The following DYNC2H1 variants were observed in gnomAD, a reference collection of about 807,000 sequenced individuals.
DYNC2H1 encodes dynein cytoplasmic 2 heavy chain 1, also known as cytoplasmic dynein 2 heavy chain 1.
Under a neutral mutation model 570.0 loss-of-function variants are expected in DYNC2H1, and 410 were observed. The observed-to-expected ratio is 0.72, with a 90% CI of 0.66 to 0.78. The LOEUF (loss-of-function observed/expected upper bound fraction) is 0.78. DYNC2H1 is among the 30% of genes least tolerant of loss of function. DYNC2H1 has a pLI of 0.00. For synonymous variants in DYNC2H1, 1,688 were observed against 1,677.6 expected (o/e 1.01, Z -0.15); for missense variants, 4,865 against 5,046.4 (o/e 0.96, Z 1.09).
intron 87 of DYNC2H1, among the ~76,000 whole-genome samples, chr11:103,467,573 T>A (rs1412217758): frequency 6.6e-6 from 1 of 152,130 alleles, no homozygotes. Context: ...AGTCTCACTC[T>A]GTCGCCCAGG....
chr11:103,220,969 A>G (rs1863563238), intron 57 of DYNC2H1, among the ~76,000 whole-genome samples, 186 bp downstream of exon 57: 1 of 152,114 alleles, frequency 6.6e-6, no homozygotes, highest in African/African-American at 2.4e-5. Context: ...TCCTTTCTGT[A>G]TAAGTGATTG....
chr11:103,111,982 A>T (rs984992326), intron 1 of DYNC2H1, among the ~76,000 whole-genome samples: 4 of 152,238 alleles, frequency 2.6e-5, no homozygotes, highest in African/African-American at 9.6e-5. Flanking sequence ...AGATATATGT[A>T]ACATAATTTT....
chr11:103,424,242 A>G (rs1943588872), intron 84 of DYNC2H1, among the ~76,000 whole-genome samples: 1 of 137,560 alleles, frequency 7.3e-6, no homozygotes, highest in Non-Finnish European at 1.5e-5. Flanking sequence ...CTTTGATGGT[A>G]TATTAATTAT....
At chr11:103,310,673 C>CAT (rs1867538231) in intron 78 of DYNC2H1, among the ~76,000 whole-genome samples, 1 of 39,124 alleles carries the variant, frequency 2.6e-5, no homozygotes, top group African/African-American at 7.9e-5. Context: ...AGTGTATTTT[C>CAT]TTTTTTTTTT....
intron 84 of DYNC2H1, among the ~76,000 whole-genome samples, chr11:103,411,887 A>ATATT (rs1219459212): frequency 6.6e-6 from 1 of 152,104 alleles, no homozygotes; most frequent in Non-Finnish European, 1.5e-5. Context: ...TATTTTTGAA[A>ATATT]TATTTGTATT....
At position 103,187,559 on chromosome 11, in the gene DYNC2H1, C is replaced by A; in HGVS notation, c.7113C>A (p.Thr2371=). 6.2e-7 allele frequency: 1 copy of A among 1,613,064 alleles called. No homozygotes were observed. ...INLPKLDKWG[T]STLVAFLQQV... is the part of the protein sequence containing the mutation. ...TACCTAAACTTGATAAATGGGGGAC[C>A]AGTACTTTGGTAGCATTCCTACAAC... Residue 2371 remains threonine (T), a synonymous_variant, in exon 43 of 89, where the codon ACC becomes ACA. Coordinates refer to ENST00000375735, the MANE Select transcript of DYNC2H1 (RefSeq NM_001377.3).
Position 103,204,772 on chromosome 11 carries a change from G to A in DYNC2H1, c.8312-50G>A. 6.8e-7 allele frequency: 1 copy of A among 1,480,762 alleles called. No individual in the cohort carries two copies. Among genetic ancestry groups the A allele is most frequent in the Non-Finnish European group, 9.1e-7 (1 of 1,094,986 alleles). The allele number at this position is 1,480,762 out of a possible 1,614,324, so 91.7% of individuals were successfully genotyped here. Reference sequence around the variant, plus strand: ...AGAAAATTTTGATCTCTTTAACCCAGACCACGTATAGATTGCCTGATTGTA... The same window carrying A: ...AGAAAATTTTGATCTCTTTAACCCAAACCACGTATAGATTGCCTGATTGTA... On this transcript the variant is annotated intron_variant, in intron 51 of 88. Coordinates refer to ENST00000375735, the MANE Select transcript of DYNC2H1 (RefSeq NM_001377.3). This position sits in a 1 kb window ranked among gnomAD's most constrained non-coding sequence, Gnocchi z 4.1.
chr11:103,415,639 G>C (rs9736508), intron 84 of DYNC2H1, among the ~76,000 whole-genome samples: 5,990 of 152,206 alleles, frequency 0.039, 301 homozygotes, highest in African/African-American at 0.11. Flanking sequence ...TCATTAAAAA[G>C]TCAGGAAACA....
chr11:103,131,205 T>A (rs1387543282), intron 13 of DYNC2H1, among the ~76,000 whole-genome samples: 1 of 152,198 alleles, frequency 6.6e-6, no homozygotes, highest in Non-Finnish European at 1.5e-5. Context: ...CAGATGGTGT[T>A]ATAATTTTTC....
rs186029840 is a variant in DYNC2H1, at chr11:103,362,042, G to A, written c.12156+3683G>A. Among the ~76,000 whole-genome samples, 583 of 150,896 alleles carry A rather than the reference G, an allele frequency of 3.9e-3. 5 individuals are homozygous for A. The highest frequency in any genetic ancestry group is 0.014 in the African/African-American group (559 of 40,282). ...TAGGAGATGAGGAGCTGGAGTCAAT[G>A]TATCTAGACAATTCTTTTTTAAAAT... is the stretch of plus-strand genomic sequence containing the variant. On this transcript the variant is annotated intron_variant, in intron 83 of 88. Coordinates refer to ENST00000375735, the MANE Select transcript of DYNC2H1 (RefSeq NM_001377.3).
In DYNC2H1 at chr11:103,176,241, A is replaced by G. The variant is rs753911293; in HGVS notation, c.5681A>G (p.Glu1894Gly). ...AAATGAAACTTTTTTCTAGCTAATGAAAGTCATATTGTGGTACAAGCACTG... is the reference window on the plus strand; with the variant it reads ...AAATGAAACTTTTTTCTAGCTAATGGAAGTCATATTGTGGTACAAGCACTG... ...NKSGTTQNANESHIVVQALRL... is the reference protein window; with the variant it reads ...NKSGTTQNANGSHIVVQALRL... Residue 1894 changes from glutamate (E) to glycine (G), a missense_variant, in exon 37 of 89, where the codon GAA becomes GGA. Physicochemically the swap from Glu to Gly is moderately conservative, Grantham distance 98 (BLOSUM62 -2). Coordinates refer to ENST00000375735, the MANE Select transcript of DYNC2H1 (RefSeq NM_001377.3). 8 of 1,478,422 alleles carry G rather than the reference A, an allele frequency of 5.4e-6. No homozygotes were observed. The Admixed American group carries it at 1.8e-4, about 32-fold the overall frequency. 91.6% of individuals were successfully genotyped at this position (1,478,422 alleles called of 1,614,324 possible). A position where few individuals can be genotyped will look rare whatever the true frequency, so the allele number is the denominator to read the frequency against.
rs1939004890 is a variant in DYNC2H1 at position 103,334,434 on chromosome 11, C to T, written c.12039+10444C>T. ...ATTGTAAATTGGATAAATCAGTTTGCAAATTATAAATATCAAATGTAAAAT... is the reference window on the plus strand; with the variant it reads ...ATTGTAAATTGGATAAATCAGTTTGTAAATTATAAATATCAAATGTAAAAT... On this transcript the variant is annotated intron_variant, in intron 82 of 88. Coordinates refer to ENST00000375735, the MANE Select transcript of DYNC2H1 (RefSeq NM_001377.3). This position sits in a 1 kb window ranked among gnomAD's most constrained non-coding sequence, Gnocchi z 4.3. 6.6e-6 allele frequency among the ~76,000 whole-genome samples: 1 copy of T among 151,940 alleles called. No individual in the cohort carries two copies. The highest frequency in any genetic ancestry group is 1.9e-4 in the East Asian group (1 of 5,178).
In DYNC2H1 at chr11:103,256,088, T is replaced by C; in HGVS notation, c.10327-18T>C. 6.3e-7 allele frequency: 1 copy of C among 1,577,040 alleles called. No homozygotes were observed. The highest frequency in any genetic ancestry group is 8.6e-7 in the Non-Finnish European group (1 of 1,158,916). On this transcript the variant is annotated intron_variant, in intron 67 of 88. Coordinates refer to ENST00000375735, the MANE Select transcript of DYNC2H1 (RefSeq NM_001377.3). This position sits in a 1 kb window ranked among gnomAD's most constrained non-coding sequence, Gnocchi z 4.0. The stretch of plus-strand genomic sequence containing the variant: ...TTTATATGTATAATAATATTCATAT[T>C]GTTAACTTTCCCTACAGACACTTGC...
intron 83 of DYNC2H1, among the ~76,000 whole-genome samples, chr11:103,378,412 T>A (rs1470839475): frequency 6.6e-6 from 1 of 152,200 alleles, no homozygotes; most frequent in African/African-American, 2.4e-5. Context: ...ACCATTTTTT[T>A]AAAGAGAAAT....
Position 103,163,615 on chromosome 11 carries a change from G to A in DYNC2H1, c.4611+468G>A, listed in dbSNP as rs999609387. Among the ~76,000 whole-genome samples the A allele has an allele frequency of 7.9e-5, 12 of 152,120 alleles. No homozygotes were observed. The highest frequency in any genetic ancestry group is 2.9e-4 in the African/African-American group (12 of 41,418). ...ATTACAGAGATGGCTGCAGCTCAGG[G>A]TTAATAGGAGTTCATCCCTGAACAC... On this transcript the variant is annotated intron_variant, in intron 30 of 88. Coordinates refer to ENST00000375735, the MANE Select transcript of DYNC2H1 (RefSeq NM_001377.3). This position sits in a 1 kb window ranked among gnomAD's most constrained non-coding sequence, Gnocchi z 4.6.
intron 57 of DYNC2H1, 118 bp from the exon 58 acceptor site, chr11:103,221,912 A>G (rs1313013198): frequency 8.9e-6 from 9 of 1,013,526 alleles, no homozygotes; most frequent in South Asian, 1.7e-5. Flanking sequence ...TTTTAATACC[A>G]TATTTTTGTT....
At chr11:103,162,839 T>C (rs1034581851) in intron 29 of DYNC2H1, among the ~76,000 whole-genome samples, 189 bp from the exon 30 acceptor site, 3 of 152,048 alleles carry the variant, frequency 2.0e-5, no homozygotes, top group Admixed American at 6.5e-5. Context: ...AAACTGTTTA[T>C]TAAGAAAATA....
chr11:103,113,925 A>T (rs1858242322), intron 2 of DYNC2H1, among the ~76,000 whole-genome samples, 178 bp from the exon 3 acceptor site: 1 of 152,210 alleles, frequency 6.6e-6, no homozygotes, highest in Non-Finnish European at 1.5e-5. Flanking sequence ...TCAACTCAAC[A>T]TTTCTACATT....
chr11:103,408,740 C>T (rs578108766), intron 84 of DYNC2H1, among the ~76,000 whole-genome samples: 3 of 152,042 alleles, frequency 2.0e-5, no homozygotes, highest in East Asian at 1.9e-4. Flanking sequence ...CACTGTTATC[C>T]GTAGGGTAAC....
Sources: allele counts gnomAD v4.1 joint callset (sites outside exome capture counted in the v4.1 genomes callset), GRCh38; gene constraint gnomAD v4.1.1; non-coding constraint Gnocchi (gnomAD v3.1); transcripts MANE v1.5; gene names NCBI Gene and HGNC (gene_info 2026-07-23, HGNC 2026-07-21).